The following CELF4 variants were observed in gnomAD, a reference collection of about 807,000 sequenced individuals.
CELF4 encodes the protein CUGBP Elav-like family member 4.
Under a neutral mutation model 59.9 loss-of-function variants are expected in CELF4, and 18 were observed. The observed-to-expected ratio is 0.30, with a 90% CI of 0.21 to 0.45. CELF4 has a LOEUF of 0.45. Among genes scored for constraint, CELF4 ranks in the 20% least tolerant of loss-of-function variants. CELF4 has a pLI of 1.00. For missense variants in CELF4, 456 were observed against 689.0 expected, an observed-to-expected ratio of 0.66 and a Z score of 3.79; for synonymous variants, 261 against 267.1, an observed-to-expected ratio of 0.98 and a Z score of 0.22.
At chr18:37,314,349 G>A (rs1432738916) in intron 3 of CELF4, among the ~76,000 whole-genome samples, 2 of 152,120 alleles carry the variant, frequency 1.3e-5, no homozygotes, top group South Asian at 4.1e-4. Flanking sequence ...CAGCTACTCT[G>A]GGGGCTGCGG....
At chr18:37,560,457 A>G (rs1424290599) in intron 1 of CELF4, among the ~76,000 whole-genome samples, 3 of 152,102 alleles carry the variant, frequency 2.0e-5, no homozygotes, top group African/African-American at 4.8e-5. Flanking sequence ...TGTTGCTTTG[A>G]TATGCTTTAG....
At chr18:37,477,194 C>A (rs2099852345) in intron 2 of CELF4, among the ~76,000 whole-genome samples, 1 of 152,202 alleles carries the variant, frequency 6.6e-6, no homozygotes, top group African/African-American at 2.4e-5. Flanking sequence ...CAGGTACAGG[C>A]TGGGAATCCA....
chr18:37,337,088 C>T (rs1036690650), intron 2 of CELF4, among the ~76,000 whole-genome samples: 16 of 152,174 alleles, frequency 1.1e-4, no homozygotes, highest in African/African-American at 3.4e-4. Flanking sequence ...CCTTTCTGCT[C>T]GGGCAGCATC....
intron 3 of CELF4, among the ~76,000 whole-genome samples, chr18:37,294,780 G>T (rs962475124): frequency 1.1e-4 from 16 of 152,198 alleles, no homozygotes; most frequent in Admixed American, 1.0e-3. Context: ...GGCTCAATTT[G>T]CTCTGTCCTA....
intron 1 of CELF4, among the ~76,000 whole-genome samples, chr18:37,539,470 C>A (rs1012833720): frequency 2.9e-3 from 257 of 89,496 alleles, no homozygotes; most frequent in African/African-American, 0.019. Flanking sequence ...CACACACACA[C>A]AAACACACAC....
At chr18:37,538,146 C>T (rs913080510) in intron 1 of CELF4, among the ~76,000 whole-genome samples, 1 of 152,216 alleles carries the variant, frequency 6.6e-6, no homozygotes, top group Non-Finnish European at 1.5e-5. Flanking sequence ...GGTGGGAGGG[C>T]GGCCTCCTCA....
chr18:37,495,782 C>A (rs908337316), intron 1 of CELF4, among the ~76,000 whole-genome samples: 4 of 151,946 alleles, frequency 2.6e-5, no homozygotes, highest in African/African-American at 9.7e-5. Flanking sequence ...TATCCCCAGG[C>A]CTGAAGCACT....
At chr18:37,410,430 C>T (rs1033869729) in intron 2 of CELF4, among the ~76,000 whole-genome samples, 5 of 152,352 alleles carry the variant, frequency 3.3e-5, no homozygotes, top group Middle Eastern at 6.8e-3. Flanking sequence ...AGTGTGGGCA[C>T]GCTGTCCCCC....
At chr18:37,535,101 C>G (rs985233739) in intron 1 of CELF4, among the ~76,000 whole-genome samples, 1 of 152,158 alleles carries the variant, frequency 6.6e-6, no homozygotes, top group Non-Finnish European at 1.5e-5. Context: ...CGTGTGGCCT[C>G]GGATGGGAGG....
intron 1 of CELF4, among the ~76,000 whole-genome samples, chr18:37,507,494 G>A (rs1786776): frequency 0.87 from 131,923 of 152,210 alleles, 57,927 homozygotes; most frequent in East Asian, 0.96. Context: ...CCAGGTTCTG[G>A]TCTGTCACTT....
At chr18:37,555,946 G>A (rs978892929) in intron 1 of CELF4, among the ~76,000 whole-genome samples, 51 of 152,156 alleles carry the variant, frequency 3.4e-4, no homozygotes, top group Non-Finnish European at 5.9e-4. Flanking sequence ...GTATGTAAGT[G>A]TGCGTGTGAC....
chr18:37,412,851 A>G (rs566174176), intron 2 of CELF4, among the ~76,000 whole-genome samples: 43 of 149,546 alleles, frequency 2.9e-4, no homozygotes, highest in African/African-American at 9.1e-4. Context: ...AGCGGCTGCC[A>G]CTCCCCGCGC....
intron 2 of CELF4, among the ~76,000 whole-genome samples, chr18:37,391,696 G>A (rs965346638): frequency 7.2e-5 from 11 of 152,164 alleles, no homozygotes; most frequent in African/African-American, 1.7e-4. Flanking sequence ...GTGAATTCTC[G>A]CCTGAATCCC....
chr18:37,348,312 C>G (rs1002114291), intron 2 of CELF4, among the ~76,000 whole-genome samples: 2 of 152,178 alleles, frequency 1.3e-5, no homozygotes, highest in Admixed American at 1.3e-4. Flanking sequence ...CCTGAAAAGC[C>G]TCCTGGGCCA....
intron 2 of CELF4, among the ~76,000 whole-genome samples, chr18:37,368,694 G>C (rs1181848881): frequency 6.6e-6 from 1 of 152,180 alleles, no homozygotes; most frequent in African/African-American, 2.4e-5. Flanking sequence ...TCACCTCAGC[G>C]TGCAAGGAGC....
intron 1 of CELF4, among the ~76,000 whole-genome samples, chr18:37,533,188 T>C (rs1319656333): frequency 6.6e-6 from 1 of 152,248 alleles, no homozygotes; most frequent in Non-Finnish European, 1.5e-5. Flanking sequence ...TCTCCTTCCA[T>C]TGCTGGAGAG....
chr18:37,352,371 T>G (rs2098459715), intron 2 of CELF4, among the ~76,000 whole-genome samples: 2 of 152,140 alleles, frequency 1.3e-5, no homozygotes, highest in Non-Finnish European at 2.9e-5. Context: ...TGCTGCATGT[T>G]GTGGCTGATG....
chr18:37,389,512 G>A (rs1757374040), intron 2 of CELF4, among the ~76,000 whole-genome samples: 1 of 152,144 alleles, frequency 6.6e-6, no homozygotes, highest in African/African-American at 2.4e-5. Context: ...TTGTCTTCTT[G>A]ACAAGAAAGC....
rs1392957242 is a variant in CELF4 at position 37,246,832 on chromosome 18, C to T, written c.*45-1635G>A. ...CATGTTTGATAATTCAGGAATTCAT[C>T]TTTATTTTGACTATTTTTTGTTCTT... On this transcript the variant is annotated intron_variant, in intron 12 of 12. Transcript: ENST00000420428. This position sits in a 1 kb window ranked among gnomAD's most constrained non-coding sequence, Gnocchi z 5.3. The T allele has an allele frequency of 6.6e-6, 1 of 152,078 alleles. No individual in the cohort carries two copies. The allele number at this position is 152,078 out of a possible 1,614,324, so 9.4% of individuals were successfully genotyped here. A position where few individuals can be genotyped will look rare whatever the true frequency, so the allele number is the denominator to read the frequency against.
Sources: allele counts gnomAD v4.1 joint callset (sites outside exome capture counted in the v4.1 genomes callset), GRCh38; gene constraint gnomAD v4.1.1; non-coding constraint Gnocchi (gnomAD v3.1); transcripts MANE v1.5; gene names NCBI Gene and HGNC (gene_info 2026-07-23, HGNC 2026-07-21).